The following SEPTIN11 variants were observed in gnomAD, a reference collection of about 807,000 sequenced individuals.
SEPTIN11 encodes septin-11.
A neutral mutation model predicts 51.4 loss-of-function variants in SEPTIN11; 25 were observed. The ratio of observed to expected loss-of-function variants is 0.49; its 90% CI spans 0.35 to 0.68. The LOEUF (loss-of-function observed/expected upper bound fraction) is 0.68, where lower values mean the gene tolerates loss of function less well. SEPTIN11 is among the 30% of genes least tolerant of loss of function. The probability of loss-of-function intolerance (pLI) is 0.00; values close to 1 mark genes in which losing one functional copy is unlikely to be tolerated. For missense variants in SEPTIN11, 381 were observed against 520.8 expected, an observed-to-expected ratio of 0.73 and a Z score of 2.61; for synonymous variants, 174 against 184.1, an observed-to-expected ratio of 0.95 and a Z score of 0.44.
chr4:77,032,079 C>G (rs1196861296), intron 9 of SEPTIN11: 1 of 152,140 alleles, frequency 6.6e-6, no homozygotes, highest in Non-Finnish European at 1.5e-5. Flanking sequence ...TCCACTTAGT[C>G]TTGGTGAATG....
intron 2 of SEPTIN11, among the ~76,000 whole-genome samples, chr4:77,004,685 G>A (rs989363610): frequency 4.6e-5 from 7 of 152,252 alleles, no homozygotes; most frequent in South Asian, 2.1e-4. Flanking sequence ...TAATGTAGCC[G>A]GGCGTGGTGG....
intron 1 of SEPTIN11, chr4:76,995,790 G>T: frequency 1.3e-6 from 2 of 1,526,614 alleles, no homozygotes; most frequent in Non-Finnish European, 1.7e-6. Context: ...GTCTACATCG[G>T]TAAACTCTGC....
At chr4:76,973,598 T>A (rs1378028056) in intron 1 of SEPTIN11, among the ~76,000 whole-genome samples, 1 of 152,228 alleles carries the variant, frequency 6.6e-6, no homozygotes, top group Admixed American at 6.5e-5. Context: ...TGTCTACTAC[T>A]TTTTGTATGA....
intron 2 of SEPTIN11, among the ~76,000 whole-genome samples, chr4:76,998,504 C>G (rs1301706339): frequency 1.3e-5 from 2 of 152,182 alleles, no homozygotes; most frequent in African/African-American, 4.8e-5. Flanking sequence ...CTCCTTCCAT[C>G]CATTCTCAAA....
chr4:76,975,225 T>C (rs1322980267), intron 1 of SEPTIN11, among the ~76,000 whole-genome samples: 1 of 152,038 alleles, frequency 6.6e-6, no homozygotes, highest in East Asian at 1.9e-4. Flanking sequence ...TGTGTATCTC[T>C]AGGACTAAAG....
Position 77,037,172 on chromosome 4 carries a change from G to A in SEPTIN11, c.*2660G>A. 1.4e-6 allele frequency: 1 copy of A among 705,210 alleles called. No individual in the cohort carries two copies. The highest frequency in any genetic ancestry group is 1.7e-6 in the Non-Finnish European group (1 of 572,552). The allele number at this position is 705,210 out of a possible 1,614,324, so 43.7% of individuals were successfully genotyped here. A position where few individuals can be genotyped will look rare whatever the true frequency, so the allele number is the denominator to read the frequency against. On this transcript the variant is annotated 3_prime_UTR_variant, in exon 10 of 10. Transcript: ENST00000264893. ...AGGCCTGGAGTTCAAGACCACCTTG[G>A]CGAACACGGTGAAACCCCGTCTCTA... is the stretch of plus-strand genomic sequence containing the variant.
chr4:77,036,640 CA>C lies in SEPTIN11; in HGVS notation c.*2131del, dbSNP rs1351767928. 5.4e-6 allele frequency: 8 copies of C among 1,485,114 alleles called. No homozygotes were observed. In the African/African-American group the frequency reaches 8.7e-5, roughly 16 times the overall value. The allele number at this position is 1,485,114 out of a possible 1,614,324, so 92.0% of individuals were successfully genotyped here. Reference sequence around the variant, plus strand: ...TCAGGGAATAAAAAGTCAAAAGAAACAAATAGAAGCTTTTTTTTTTAAAAAA... The same window carrying C: ...TCAGGGAATAAAAAGTCAAAAGAAACAATAGAAGCTTTTTTTTTTAAAAAA... On this transcript the variant is annotated 3_prime_UTR_variant, in exon 10 of 10. Transcript: ENST00000264893.
rs142350590 is a variant in SEPTIN11, at chr4:77,029,866, A to G, written c.1087-917A>G. On this transcript the variant is annotated intron_variant, in intron 8 of 9. Transcript: ENST00000264893. ...TACAAACACATACATATATGTAGTC[A>G]TTGTATATATTTCTAAGTAAATGTT... 7.2e-3 allele frequency among the ~76,000 whole-genome samples: 1,095 copies of G among 152,170 alleles called. 14 individuals carry two copies. The highest frequency in any genetic ancestry group is 0.025 in the African/African-American group (1,025 of 41,490).
chr4:77,010,940 C>T (rs1274168154), intron 3 of SEPTIN11, among the ~76,000 whole-genome samples: 1 of 152,114 alleles, frequency 6.6e-6, no homozygotes, highest in African/African-American at 2.4e-5. Context: ...CCCCAATATG[C>T]TATTAGTCAT....
At chr4:77,009,685 A>G (rs1724725169) in intron 3 of SEPTIN11, 1 of 152,258 alleles carries the variant, frequency 6.6e-6, no homozygotes, top group Non-Finnish European at 1.5e-5. Context: ...AAGGGAAACT[A>G]ATAGAAAACA....
Position 77,036,127 on chromosome 4 carries a change from T to G in SEPTIN11, c.*1615T>G. ...AGAGGAAAGAAGGAATGGTCTTCCA[T>G]GAACTGATTATGCTTAATTAAGCAA... On this transcript the variant is annotated 3_prime_UTR_variant, in exon 10 of 10. Transcript: ENST00000264893. 1 of 986,820 alleles carries G rather than the reference T, an allele frequency of 1.0e-6. No individual in the cohort carries two copies. The highest frequency in any genetic ancestry group is 1.2e-6 in the Non-Finnish European group (1 of 830,666). The allele number at this position is 986,820 out of a possible 1,614,324, so 61.1% of individuals were successfully genotyped here.
chr4:77,037,892 G>A lies in SEPTIN11; in HGVS notation c.*3380G>A, dbSNP rs1007190276. ...TACTTATCTTCCTTCTCTGCTTTGT[G>A]ACTCACCAGCAGTAACACACACAAT... On this transcript the variant is annotated 3_prime_UTR_variant, in exon 10 of 10. Coordinates refer to ENST00000264893, the MANE Select transcript of SEPTIN11 (RefSeq NM_018243.4). 5.1e-6 allele frequency: 5 copies of A among 985,770 alleles called. No individual in the cohort carries two copies. The highest frequency in any genetic ancestry group is 6.0e-6 in the Non-Finnish European group (5 of 829,954). The allele number at this position is 985,770 out of a possible 1,614,324, so 61.1% of individuals were successfully genotyped here.
At chr4:76,996,655 C>A in intron 2 of SEPTIN11, 116 bp downstream of exon 2, 1 of 793,494 alleles carries the variant, frequency 1.3e-6, no homozygotes, top group East Asian at 2.6e-5. Context: ...TTTCTTTCAT[C>A]AGTAAAACAA....
chr4:77,038,188 T>C lies in SEPTIN11; in HGVS notation c.*3676T>C. ...AGTGGGAATTAAGACCTACAAAGTC[T>C]AGTTTGTATGTAGGTATGAAGGGAA... is the stretch of plus-strand genomic sequence containing the variant. On this transcript the variant is annotated 3_prime_UTR_variant, in exon 10 of 10. Coordinates refer to ENST00000264893, the MANE Select transcript of SEPTIN11 (RefSeq NM_018243.4). 1.0e-6 allele frequency: 1 copy of C among 985,276 alleles called. No individual in the cohort carries two copies. Among genetic ancestry groups the C allele is most frequent in the Non-Finnish European group, 1.2e-6 (1 of 829,364 alleles). The allele number at this position is 985,276 out of a possible 1,614,324, so 61.0% of individuals were successfully genotyped here.
chr4:76,981,203 C>T (rs17002306), intron 1 of SEPTIN11, among the ~76,000 whole-genome samples: 1,728 of 152,100 alleles, frequency 0.011, 20 homozygotes, highest in Non-Finnish European at 0.018. Flanking sequence ...TTGCATTTTC[C>T]CTGTGTTCTA....
At chr4:76,968,532 A>G (rs1315715696) in intron 1 of SEPTIN11, among the ~76,000 whole-genome samples, 2 of 152,228 alleles carry the variant, frequency 1.3e-5, no homozygotes, top group East Asian at 1.9e-4. Flanking sequence ...TAAGCAGACT[A>G]TTTAGAAAAC....
At chr4:77,025,482 G>A (rs770283512) in intron 7 of SEPTIN11, among the ~76,000 whole-genome samples, 4 of 151,896 alleles carry the variant, frequency 2.6e-5, no homozygotes, top group Non-Finnish European at 5.9e-5. Context: ...GAGTTCGAGC[G>A]TATGGTGAGC....
chr4:77,012,837 A>AGGCAC (rs1724974674), intron 4 of SEPTIN11, among the ~76,000 whole-genome samples: 2 of 152,210 alleles, frequency 1.3e-5, no homozygotes, highest in South Asian at 4.1e-4. Flanking sequence ...GGCTTCCAGC[A>AGGCAC]GGCACAGACA....
chr4:77,014,485 AC>A (rs1307858411), intron 4 of SEPTIN11, among the ~76,000 whole-genome samples: 15 of 152,184 alleles, frequency 9.9e-5, no homozygotes, highest in Admixed American at 9.8e-4. Flanking sequence ...GAAGAGTAAC[AC>A]TTCCTTTACT....
Sources: gnomAD v4.1 joint callset for allele counts (sites outside exome capture counted in the v4.1 genomes callset) on GRCh38, gnomAD v4.1.1 for gene constraint, MANE v1.5 for transcripts, NCBI Gene and HGNC (gene_info 2026-07-23, HGNC 2026-07-21) for gene names.